Variants in SLX4 observed in about 807,000 individuals in gnomAD.
SLX4 encodes the protein SLX4 structure-specific endonuclease subunit.
In SLX4, 112 loss-of-function variants were observed where a neutral mutation model predicts 146.2. The ratio of observed to expected loss-of-function variants is 0.77; its 90% CI spans 0.66 to 0.90. SLX4 has a LOEUF of 0.90. Among genes scored for constraint, SLX4 ranks in the 40% least tolerant of loss-of-function variants. The pLI is 0.00. For synonymous variants in SLX4, 1,061 were observed against 997.7 expected, an observed-to-expected ratio of 1.06 and a Z score of -1.20; for missense variants, 2,563 against 2,392.7, an observed-to-expected ratio of 1.07 and a Z score of -1.49.
intron 5 of SLX4, 150 bp downstream of exon 5, chr16:3,600,828 TA>T: frequency 1.3e-6 from 1 of 752,230 alleles, no homozygotes; most frequent in Non-Finnish European, 2.3e-6. Context: ...ACTCCTGATC[TA>T]AGGTGATCTG....
In SLX4 at chr16:3,594,606, CAGG is replaced by C. The variant is rs759422070; in HGVS notation, c.2014-10_2014-8del. ...CCAGCAGCCCGAGGGAGAGCTGAAG[CAGG>C]AGGAGAGGAAGAGCCGTCACCTCCC... On this transcript the variant is annotated splice_polypyrimidine_tract_variant and splice_region_variant and intron_variant, in intron 9 of 14. Transcript: ENST00000294008. 136 of 1,613,920 alleles carry C rather than the reference CAGG, an allele frequency of 8.4e-5. No individual in the cohort carries two copies. Among genetic ancestry groups the C allele is most frequent in the Middle Eastern group, 3.3e-4 (2 of 6,078 alleles).
intron 2 of SLX4, among the ~76,000 whole-genome samples, chr16:3,607,380 G>T (rs776626020): frequency 6.6e-5 from 10 of 152,176 alleles, no homozygotes; most frequent in Non-Finnish European, 1.0e-4. Context: ...GAGGGCAAAG[G>T]AAATTTAGAA....
At chr16:3,610,098 G>C (rs2040836276) in intron 1 of SLX4, among the ~76,000 whole-genome samples, 1 of 152,216 alleles carries the variant, frequency 6.6e-6, no homozygotes, top group Admixed American at 6.5e-5. Context: ...TGGGCCTCGT[G>C]AGCATGGTTG....
In SLX4 at chr16:3,592,868, G is replaced by T. The variant is rs1298372782; in HGVS notation, c.2161-3C>A. 1 of 1,608,976 alleles carries T rather than the reference G, an allele frequency of 6.2e-7. No homozygotes were observed. On this transcript the variant is annotated splice_polypyrimidine_tract_variant and splice_region_variant and intron_variant, in intron 10 of 14. Transcript: ENST00000294008. ...GCGGAGAAGCCTTCATTGTTCACCT[G>T]CAGGTGAAATGCAACACAGAGGGTT... is the stretch of plus-strand genomic sequence containing the variant.
intron 14 of SLX4, 134 bp from the exon 15 acceptor site, chr16:3,582,827 G>C (rs2040456325): frequency 1.1e-6 from 1 of 920,616 alleles, no homozygotes; most frequent in African/African-American, 1.6e-5. Context: ...CAGCAAGGCA[G>C]GACGGGCCTG....
chr16:3,601,950 G>A (rs1445566856), intron 4 of SLX4, 168 bp downstream of exon 4: 7 of 738,062 alleles, frequency 9.5e-6, no homozygotes, highest in Non-Finnish European at 1.4e-5. Context: ...TGAACTATAT[G>A]TTCTGTGAAT....
At chr16:3,603,415 G>C (rs1263289681) in intron 3 of SLX4, among the ~76,000 whole-genome samples, 2 of 152,214 alleles carry the variant, frequency 1.3e-5, no homozygotes, top group African/African-American at 2.4e-5. Context: ...TGAAGATACA[G>C]AGAGAACTGA....
chr16:3,588,233 C>G (rs919942880), intron 12 of SLX4, among the ~76,000 whole-genome samples: 4 of 152,242 alleles, frequency 2.6e-5, no homozygotes, highest in African/African-American at 9.6e-5. Context: ...CAGTCACTCC[C>G]CATTCCCCCT....
chr16:3,582,434 A>T lies in SLX4; in HGVS notation c.5413T>A (p.Cys1805Ser). Residue 1805 changes from cysteine to serine, a missense_variant, in exon 15 of 15, where the codon TGT becomes AGT. Physicochemically the swap from Cys to Ser is moderately radical, Grantham distance 112 (BLOSUM62 -1). Transcript: ENST00000294008. ...GTGGCGGCAGTGGTGAAGGTGATAC[A>T]GTGGGTGTCCAGGAAGTCCAACAGC... ...RRLLDFLDTH[C>S]ITFTTAATRR... The T allele has an allele frequency of 6.2e-7, 1 of 1,613,906 alleles. No homozygotes were observed. Among genetic ancestry groups the T allele is most frequent in the Non-Finnish European group, 8.5e-7 (1 of 1,180,020 alleles).
chr16:3,589,797 C>G lies in SLX4; in HGVS notation c.3841G>C (p.Gly1281Arg). 2.5e-6 allele frequency: 4 copies of G among 1,613,374 alleles called. No individual in the cohort carries two copies. Among genetic ancestry groups the G allele is most frequent in the Non-Finnish European group, 3.4e-6 (4 of 1,180,018 alleles). ...SQTQISSLRS[G>R]LAVQAVTQHT... ...TGAGTCACCGCCTGCACGGCCAGCC[C>G]GCTCCTGAGGCTGCTGATTTGGGTC... The change falls in exon 12 of 15, where the codon GGG becomes CGG. Residue 1281 changes from glycine to arginine, a missense_variant. Physicochemically the swap from Gly to Arg is moderately radical, Grantham distance 125 (BLOSUM62 -2). Coordinates refer to ENST00000294008, the MANE Select transcript of SLX4 (RefSeq NM_032444.4). The surrounding 1 kb of genome is among the most constrained non-coding windows in gnomAD (Gnocchi z 6.2).
intron 5 of SLX4, among the ~76,000 whole-genome samples, chr16:3,600,324 C>T (rs539579003): frequency 1.1e-4 from 16 of 152,272 alleles, no homozygotes; most frequent in African/African-American, 3.1e-4. Flanking sequence ...GGCCACAGAC[C>T]GGTACTGGTC....
chr16:3,592,602 T>A (rs2040605225), intron 11 of SLX4, 97 bp downstream of exon 11: 1 of 1,393,532 alleles, frequency 7.2e-7, no homozygotes, highest in East Asian at 2.5e-5. Flanking sequence ...TTAGTTCTCT[T>A]GGCCTCAGCC....
intron 12 of SLX4, among the ~76,000 whole-genome samples, chr16:3,587,495 CTT>C (rs1269126121): frequency 1.3e-5 from 2 of 152,164 alleles, no homozygotes; most frequent in Non-Finnish European, 2.9e-5. Context: ...AACAGTCAGA[CTT>C]TGGTTCTTCT....
intron 3 of SLX4, among the ~76,000 whole-genome samples, chr16:3,603,445 C>A (rs887598475): frequency 1.3e-5 from 2 of 152,192 alleles, no homozygotes; most frequent in South Asian, 4.1e-4. Context: ...TGGGCAGGGG[C>A]GGAGCTCACA....
At chr16:3,599,977 C>A (rs756673747) in intron 5 of SLX4, among the ~76,000 whole-genome samples, 93 of 152,154 alleles carry the variant, frequency 6.1e-4, no homozygotes, top group Non-Finnish European at 1.0e-3. Context: ...TGTCCAACAA[C>A]GAAATGGATG....
rs749220537 is a variant in SLX4, at chr16:3,596,352, C to G, written c.1725G>C (p.Glu575Asp). The G allele has an allele frequency of 6.3e-7, 1 of 1,597,324 alleles. No individual in the cohort carries two copies. The highest frequency in any genetic ancestry group is 8.5e-7 in the Non-Finnish European group (1 of 1,171,894). ...ACCTTCGCTCGCTCAGCTCTGAGTG[C>G]TCAGGTGGCACCAGAGGCGGCACGG... is the stretch of plus-strand genomic sequence containing the variant. Reference protein sequence around the residue: ...QEPVPPLVPPEHSELSERRSP... With the variant: ...QEPVPPLVPPDHSELSERRSP... Residue 575 changes from glutamate (E) to aspartate (D), a missense_variant, in exon 8 of 15, where the codon GAG becomes GAC. Glu to Asp is a conservative substitution (Grantham distance 45, BLOSUM62 2). Transcript: ENST00000294008.
chr16:3,588,670 G>A lies in SLX4; in HGVS notation c.4636+332C>T, dbSNP rs148448054. On this transcript the variant is annotated intron_variant, in intron 12 of 14. Transcript: ENST00000294008. ...CCCTGGTCCAATCTTAAGGCATGCC[G>A]ATACTTGCTGAATGAGTTGTGGCCT... Among the ~76,000 whole-genome samples, 291 of 152,314 alleles carry A rather than the reference G, an allele frequency of 1.9e-3. 3 individuals carry two copies. The highest frequency in any genetic ancestry group is 6.2e-3 in the African/African-American group (259 of 41,572).
At chr16:3,608,285 C>T in intron 2 of SLX4, 145 bp downstream of exon 2, 1 of 856,114 alleles carries the variant, frequency 1.2e-6, no homozygotes, top group Non-Finnish European at 2.0e-6. Context: ...TGTTCATTTA[C>T]ATATTGTCCA....
In SLX4 at chr16:3,606,365, G is replaced by C; in HGVS notation, c.760+109C>G. 2.5e-6 allele frequency: 3 copies of C among 1,182,750 alleles called. No homozygotes were observed. In the South Asian group the frequency reaches 3.7e-5, roughly 14 times the overall value. The allele number at this position is 1,182,750 out of a possible 1,614,324, so 73.3% of individuals were successfully genotyped here. On this transcript the variant is annotated intron_variant, in intron 3 of 14. Coordinates refer to ENST00000294008, the MANE Select transcript of SLX4 (RefSeq NM_032444.4). The stretch of plus-strand genomic sequence containing the variant: ...TGGCAAAGGTAAAACATCAAGCAGA[G>C]AGCCTATCCACAGAAGAAACTCAAC...
Sources: allele counts gnomAD v4.1 joint callset (sites outside exome capture counted in the v4.1 genomes callset), GRCh38; gene constraint gnomAD v4.1.1; non-coding constraint Gnocchi (gnomAD v3.1); transcripts MANE v1.5; gene names NCBI Gene and HGNC (gene_info 2026-07-23, HGNC 2026-07-21).